MICAL2: variants seen among roughly 807,000 people sequenced by gnomAD.
MICAL2 encodes [F-actin]-monooxygenase MICAL2.
A neutral mutation model predicts 127.3 loss-of-function variants in MICAL2; 77 were observed. That is an observed-to-expected ratio of 0.60 (90% CI 0.50 to 0.73). The LOEUF is 0.73. MICAL2 is among the 30% of genes least tolerant of loss of function. MICAL2 has a pLI of 0.00. For synonymous variants in MICAL2, 570 were observed against 551.1 expected, an observed-to-expected ratio of 1.03 and a Z score of -0.48; for missense variants, 1,351 against 1,434.4, an observed-to-expected ratio of 0.94 and a Z score of 0.94.
chr11:12,343,699 T>C (rs974140113), intron 32 of MICAL2, among the ~76,000 whole-genome samples: 4 of 152,184 alleles, frequency 2.6e-5, no homozygotes, highest in African/African-American at 9.7e-5. Context: ...AAATAGTGTC[T>C]TGAAAGCTGC....
downstream of MICAL2, chr11:12,294,554 G>A (rs113113001): frequency 1.4e-5 from 22 of 1,614,006 alleles, no homozygotes; most frequent in African/African-American, 6.7e-5. Flanking sequence ...CACACTCCTC[G>A]AGAAAGTGAG....
chr11:12,335,466 C>G (rs1444383464), intron 32 of MICAL2, among the ~76,000 whole-genome samples: 1 of 152,056 alleles, frequency 6.6e-6, no homozygotes, highest in Non-Finnish European at 1.5e-5. Flanking sequence ...AATTAGATCC[C>G]ATTTGTCAAT....
chr11:12,210,079 A>G (rs905599175), intron 6 of MICAL2, among the ~76,000 whole-genome samples: 1 of 152,084 alleles, frequency 6.6e-6, no homozygotes, highest in Non-Finnish European at 1.5e-5. Flanking sequence ...TTGAAGGAGG[A>G]ACTCACCTCT....
chr11:12,125,189 G>T (rs1488995922), intron 1 of MICAL2, among the ~76,000 whole-genome samples: 1 of 152,212 alleles, frequency 6.6e-6, no homozygotes, highest in South Asian at 2.1e-4. Context: ...CTATGCCTTA[G>T]TTCTTCCCTT....
At chr11:12,314,713 C>G (rs1186962809) in intron 29 of MICAL2, among the ~76,000 whole-genome samples, 2 of 149,688 alleles carry the variant, frequency 1.3e-5, no homozygotes, top group African/African-American at 4.9e-5. Context: ...GTCTCGATCT[C>G]CTGACCTTGT....
intron 3 of MICAL2, among the ~76,000 whole-genome samples, chr11:12,170,922 A>G (rs1452899089): frequency 3.3e-5 from 5 of 152,228 alleles, no homozygotes; most frequent in Middle Eastern, 3.2e-3. Context: ...GGGAAGATGC[A>G]CAGGGATAGA....
At chr11:12,180,260 A>G (rs1243218606) in intron 3 of MICAL2, among the ~76,000 whole-genome samples, 1 of 151,964 alleles carries the variant, frequency 6.6e-6, no homozygotes, top group African/African-American at 2.4e-5. Flanking sequence ...GGGGAGAATG[A>G]GGGTTATACG....
intron 1 of MICAL2, among the ~76,000 whole-genome samples, chr11:12,118,678 G>A (rs754219672): frequency 2.0e-5 from 3 of 152,232 alleles, no homozygotes; most frequent in African/African-American, 7.2e-5. Context: ...AAAACAAAAA[G>A]CACTAAGACA....
At chr11:12,183,178 C>A (rs200529882) in intron 3 of MICAL2, among the ~76,000 whole-genome samples, 1 of 140,322 alleles carries the variant, frequency 7.1e-6, no homozygotes, top group Non-Finnish European at 1.6e-5. Context: ...TTTTTTTTTT[C>A]TTTTTTTTAA....
chr11:12,270,809 T>C (rs1223883939), intron 24 of MICAL2, among the ~76,000 whole-genome samples: 2 of 152,230 alleles, frequency 1.3e-5, no homozygotes, highest in Non-Finnish European at 2.9e-5. Flanking sequence ...TGGTTTCCTT[T>C]CCTGCAAAGT....
downstream of MICAL2, among the ~76,000 whole-genome samples, chr11:12,290,111 C>T (rs923579328): frequency 6.6e-6 from 1 of 152,168 alleles, no homozygotes; most frequent in African/African-American, 2.4e-5. Flanking sequence ...GCTGTGCCCA[C>T]CTCCCAAGCA....
Position 12,222,631 on chromosome 11 carries a change from G to C in MICAL2, c.1337G>C (p.Arg446Pro). 5 of 1,614,202 alleles carry C rather than the reference G, an allele frequency of 3.1e-6. No individual in the cohort carries two copies. Among genetic ancestry groups the C allele is most frequent in the Non-Finnish European group, 4.2e-6 (5 of 1,180,036 alleles). ...CCTCCCTCCAGGGAAAGTCTCTACCGGCTGTTACCTCAGACAACCCCGGAG... is the reference window on the plus strand; with the variant it reads ...CCTCCCTCCAGGGAAAGTCTCTACCCGCTGTTACCTCAGACAACCCCGGAG... ...ELLAERESLY[R>P]LLPQTTPENI... Residue 446 changes from arginine (R) to proline (P), a missense_variant, in exon 11 of 28, where the codon CGG (arginine) becomes CCG (proline). Transcript: ENST00000683283.
chr11:12,140,335 A>G (rs559539482), intron 2 of MICAL2, among the ~76,000 whole-genome samples: 32 of 152,188 alleles, frequency 2.1e-4, no homozygotes, highest in Non-Finnish European at 4.6e-4. Flanking sequence ...AGCCTGCCCA[A>G]GGCAATGCAG....
At chr11:12,293,614 C>T (rs780356882), downstream of MICAL2, 1 of 1,613,892 alleles carries the variant, frequency 6.2e-7, no homozygotes. Flanking sequence ...CAAGTCCTCC[C>T]ACCCCAAACT....
At chr11:12,233,816 G>C (rs895329707) in intron 15 of MICAL2, among the ~76,000 whole-genome samples, 1 of 152,100 alleles carries the variant, frequency 6.6e-6, no homozygotes, top group Non-Finnish European at 1.5e-5. Context: ...AGTGAAACAG[G>C]GTCCAAGGAA....
At chr11:12,133,233 C>T (rs1300089816) in intron 1 of MICAL2, among the ~76,000 whole-genome samples, 1 of 152,128 alleles carries the variant, frequency 6.6e-6, no homozygotes, top group Non-Finnish European at 1.5e-5. Context: ...AGGCGTGCGC[C>T]ACCACACCTG....
At chr11:12,131,206 T>C (rs1447814528) in intron 1 of MICAL2, among the ~76,000 whole-genome samples, 1 of 60,304 alleles carries the variant, frequency 1.7e-5, no homozygotes, top group African/African-American at 4.2e-5. Context: ...GGCAGGAGAA[T>C]GGCGTGAACC....
At chr11:12,143,811 T>C (rs539680418) in intron 2 of MICAL2, among the ~76,000 whole-genome samples, 1 of 152,222 alleles carries the variant, frequency 6.6e-6, no homozygotes, top group African/African-American at 2.4e-5. Context: ...ACAAAAAATA[T>C]AGTTGTTTTT....
At chr11:12,193,887 A>C (rs1286377308) in intron 3 of MICAL2, among the ~76,000 whole-genome samples, 1 of 152,198 alleles carries the variant, frequency 6.6e-6, no homozygotes, top group Non-Finnish European at 1.5e-5. Flanking sequence ...CTGGATATGG[A>C]GTCAGAGTTC....
Sources: gnomAD v4.1 joint callset for allele counts (sites outside exome capture counted in the v4.1 genomes callset) on GRCh38, gnomAD v4.1.1 for gene constraint, MANE v1.5 for transcripts, NCBI Gene and HGNC (gene_info 2026-07-23, HGNC 2026-07-21) for gene names.